Variants in AGK observed in about 807,000 individuals in gnomAD.
AGK encodes the protein acylglycerol kinase.
A neutral mutation model predicts 66.4 loss-of-function variants in AGK; 52 were observed. That is an observed-to-expected ratio of 0.78 (90% CI 0.63 to 0.99). The LOEUF is 0.99. Among genes scored for constraint, AGK ranks in the 50% least tolerant of loss-of-function variants. AGK has a pLI of 0.00. For synonymous variants in AGK, 182 were observed against 181.1 expected (o/e 1.00, Z -0.04); for missense variants, 451 against 506.6 (o/e 0.89, Z 1.05).
At position 141,555,664 on chromosome 7, in the gene AGK, T is replaced by G; in HGVS notation, c.101+97T>G. On this transcript the variant is annotated intron_variant, in intron 2 of 15. Coordinates refer to ENST00000649286, the MANE Select transcript of AGK (RefSeq NM_018238.4). This position sits in a 1 kb window ranked among gnomAD's most constrained non-coding sequence, Gnocchi z 4.2. ...TCTTGCTCAGCTGTGCTTATCCCTA[T>G]AAAACATGTGGTGTAAAAGAAAAAT... The G allele has an allele frequency of 1.2e-6, 1 of 828,516 alleles. No individual in the cohort carries two copies. Among genetic ancestry groups the G allele is most frequent in the Non-Finnish European group, 1.9e-6 (1 of 521,444 alleles). The allele number at this position is 828,516 out of a possible 1,614,324, so 51.3% of individuals were successfully genotyped here.
At chr7:141,637,768 A>G (rs1251769607) in intron 11 of AGK, among the ~76,000 whole-genome samples, 3 of 152,214 alleles carry the variant, frequency 2.0e-5, no homozygotes. Flanking sequence ...ATGTTTTTCT[A>G]ATTATAAAAG....
rs747085485 is a variant in AGK at position 141,651,567 on chromosome 7, G to C, written c.1089G>C (p.Thr363=). 2 of 1,614,084 alleles carry C rather than the reference G, an allele frequency of 1.2e-6. No homozygotes were observed. Among genetic ancestry groups the C allele is most frequent in the Middle Eastern group, 1.6e-4 (1 of 6,084 alleles). ...ACCCCAAGCTGCACGTGGAGGGCAC[G>C]GAGTGTCTCCAAGCCAGCCAGTGCA... ...VRNPKLHVEG[T]ECLQASQCTL... is the part of the protein sequence containing the mutation. Residue 363 remains threonine, a synonymous_variant, in exon 15 of 16, where the codon ACG becomes ACC. Transcript: ENST00000649286.
At chr7:141,586,272 A>C (rs1795993117) in intron 2 of AGK, among the ~76,000 whole-genome samples, 1 of 152,106 alleles carries the variant, frequency 6.6e-6, no homozygotes, top group Non-Finnish European at 1.5e-5. Flanking sequence ...TTAGTTTTTC[A>C]TCCTGTACTA....
chr7:141,647,807 A>C lies in AGK; in HGVS notation c.976-1456A>C, dbSNP rs76141062. Among the ~76,000 whole-genome samples, 11 of 152,052 alleles carry C rather than the reference A, an allele frequency of 7.2e-5. 1 individual carries two copies. The highest frequency in any genetic ancestry group is 7.2e-4 in the Admixed American group (11 of 15,260). ...CGCCTCAGCCTCCCGAGTAGCTGGG[A>C]TTACAGGCGCCCGCCACCACACCCG... On this transcript the variant is annotated intron_variant, in intron 13 of 15. Transcript: ENST00000649286.
rs568163922 is a variant in AGK, at chr7:141,588,631, G to A, written c.102-4515G>A. On this transcript the variant is annotated intron_variant, in intron 2 of 15. Coordinates refer to ENST00000649286, the MANE Select transcript of AGK (RefSeq NM_018238.4). ...ACTTCGCCTCGGAAAAAAAAAAAAA[G>A]AAAGTAAAAGATTAAAAGGTTGACT... Among the ~76,000 whole-genome samples the A allele has an allele frequency of 3.0e-4, 46 of 151,054 alleles. 2 individuals are homozygous for A. In the South Asian group the frequency reaches 9.2e-3, roughly 30 times the overall value.
chr7:141,611,152 C>G, intron 5 of AGK, 43 bp from the exon 6 acceptor site: 1 of 1,347,058 alleles, frequency 7.4e-7, no homozygotes, highest in Non-Finnish European at 1.1e-6. Context: ...AACCTTGTGG[C>G]TCTAGGTTGA....
intron 2 of AGK, among the ~76,000 whole-genome samples, chr7:141,587,580 T>C (rs1796019774): frequency 6.6e-6 from 1 of 152,230 alleles, no homozygotes; most frequent in South Asian, 2.1e-4. Context: ...TTCTAGCACT[T>C]GTACGCTTTG....
At chr7:141,580,322 C>T (rs181616998) in intron 2 of AGK, among the ~76,000 whole-genome samples, 1 of 151,888 alleles carries the variant, frequency 6.6e-6, no homozygotes, top group South Asian at 2.1e-4. Context: ...GCATAGCCTG[C>T]CTTTGCTGGT....
intron 2 of AGK, among the ~76,000 whole-genome samples, chr7:141,570,433 G>T (rs1424788376): frequency 6.6e-6 from 1 of 152,094 alleles, no homozygotes; most frequent in Non-Finnish European, 1.5e-5. Context: ...ACTACTATGT[G>T]CTATGTTCTG....
chr7:141,607,562 A>G (rs939454180), intron 5 of AGK, among the ~76,000 whole-genome samples: 33 of 152,030 alleles, frequency 2.2e-4, no homozygotes, highest in Admixed American at 5.2e-4. Flanking sequence ...CATTTTGCAT[A>G]TATTCTTTCT....
intron 2 of AGK, among the ~76,000 whole-genome samples, chr7:141,577,613 C>T (rs560316817): frequency 1.9e-4 from 29 of 152,204 alleles, no homozygotes; most frequent in South Asian, 8.3e-4. Flanking sequence ...TCCTGCCTTG[C>T]GGACTGAATT....
intron 14 of AGK, among the ~76,000 whole-genome samples, chr7:141,649,714 G>A (rs1797509954): frequency 6.6e-6 from 1 of 152,256 alleles, no homozygotes; most frequent in Admixed American, 6.5e-5. Context: ...TCTACAGAAT[G>A]AAATAATCAT....
chr7:141,620,973 A>G (rs1351884317), intron 8 of AGK, among the ~76,000 whole-genome samples: 1 of 152,230 alleles, frequency 6.6e-6, no homozygotes, highest in Non-Finnish European at 1.5e-5. Context: ...GAGAAGGGAA[A>G]AAGCCAATTC....
intron 5 of AGK, among the ~76,000 whole-genome samples, chr7:141,607,040 A>C (rs1172110832): frequency 6.6e-6 from 1 of 152,244 alleles, no homozygotes; most frequent in East Asian, 1.9e-4. Flanking sequence ...AATGTGCTAC[A>C]GTTTATCCAT....
chr7:141,640,672 G>A (rs774636041), intron 11 of AGK, among the ~76,000 whole-genome samples: 2 of 152,168 alleles, frequency 1.3e-5, no homozygotes, highest in Non-Finnish European at 2.9e-5. Flanking sequence ...CTGAGAGGCT[G>A]GGGTATGGTT....
Position 141,574,226 on chromosome 7 carries a change from A to T in AGK, c.101+18659A>T, listed in dbSNP as rs893268975. Among the ~76,000 whole-genome samples the T allele has an allele frequency of 3.0e-4, 46 of 152,292 alleles. 1 individual carries two copies. Among genetic ancestry groups the T allele is most frequent in the African/African-American group, 1.1e-3 (44 of 41,548 alleles). ...ATGAAAGAATGTCAGTGCTTATGAG[A>T]ATTAGGGGTAGAAATCATTGAAAAA... is the stretch of plus-strand genomic sequence containing the variant. On this transcript the variant is annotated intron_variant, in intron 2 of 15. Transcript: ENST00000649286.
At chr7:141,602,004 G>A (rs189561773) in intron 5 of AGK, among the ~76,000 whole-genome samples, 1 of 151,788 alleles carries the variant, frequency 6.6e-6, no homozygotes, top group Admixed American at 6.6e-5. Flanking sequence ...GTTTGCCCCC[G>A]GGGGTAGGAG....
chr7:141,556,889 C>A (rs1434993826), intron 2 of AGK, among the ~76,000 whole-genome samples: 1 of 152,138 alleles, frequency 6.6e-6, no homozygotes, highest in East Asian at 1.9e-4. Flanking sequence ...AGTCTTCCTG[C>A]ATGGAGGGAG....
intron 2 of AGK, among the ~76,000 whole-genome samples, chr7:141,566,930 C>T (rs1231518588): frequency 6.6e-6 from 1 of 152,172 alleles, no homozygotes; most frequent in Non-Finnish European, 1.5e-5. Context: ...GTGTACCTCA[C>T]ACTTGCAGTC....
Sources: allele counts gnomAD v4.1 joint callset (sites outside exome capture counted in the v4.1 genomes callset), GRCh38; gene constraint gnomAD v4.1.1; non-coding constraint Gnocchi (gnomAD v3.1); transcripts MANE v1.5; gene names NCBI Gene and HGNC (gene_info 2026-07-23, HGNC 2026-07-21).